PBRM1: variants seen among roughly 807,000 people sequenced by gnomAD.
PBRM1 encodes polybromo 1, also known as protein polybromo-1.
A neutral mutation model predicts 194.5 loss-of-function variants in PBRM1; 27 were observed. The observed-to-expected ratio is 0.14, with a 90% CI of 0.10 to 0.19. The LOEUF (loss-of-function observed/expected upper bound fraction) is 0.19. PBRM1 is among the 10% of genes least tolerant of loss of function. PBRM1 has a pLI of 1.00. For missense variants in PBRM1, 1,466 were observed against 2,077.2 expected (o/e 0.71, Z 5.72); for synonymous variants, 655 against 693.2 (o/e 0.94, Z 0.87).
chr3:52,546,628 CA>C (rs1174173946), downstream of PBRM1: 1 of 231,526 alleles, frequency 4.3e-6, no homozygotes, highest in Admixed American at 5.6e-5. Context: ...TTATAAACAG[CA>C]GTGGAAGCTC....
In PBRM1 at chr3:52,609,149, A is replaced by G. The variant is rs770310420; in HGVS notation, c.2567+164T>C. On this transcript the variant is annotated intron_variant, in intron 16 of 29. Coordinates refer to ENST00000296302, the Ensembl canonical transcript of PBRM1. The surrounding 1 kb of genome is among the most constrained non-coding windows in gnomAD (Gnocchi z 4.1). ...GTGTGCCTTCTCTCCCCCACAGAAT[A>G]TACTCACTCTTAAGAAGTTCTGGCT... is the stretch of plus-strand genomic sequence containing the variant. 1 of 610,388 alleles carries G rather than the reference A, an allele frequency of 1.6e-6. No homozygotes were observed. The highest frequency in any genetic ancestry group is 2.8e-6 in the Non-Finnish European group (1 of 351,212). 37.8% of individuals were successfully genotyped at this position (610,388 alleles called of 1,614,324 possible).
chr3:52,613,507 AATTTTTTAT>A (rs141149221), intron 15 of PBRM1, among the ~76,000 whole-genome samples: 11,052 of 151,826 alleles, frequency 0.073, 955 homozygotes, highest in African/African-American at 0.21. Flanking sequence ...ACGCCTGGCT[AATTTTTTAT>A]ATTTTTTTGT....
At chr3:52,647,739 T>C (rs1163104390) in intron 7 of PBRM1, among the ~76,000 whole-genome samples, 2 of 151,632 alleles carry the variant, frequency 1.3e-5, no homozygotes, top group Non-Finnish European at 2.9e-5. Flanking sequence ...AAAATCCATA[T>C]CACATATTAT....
At chr3:52,673,667 A>G (rs1424277741) in intron 2 of PBRM1, among the ~76,000 whole-genome samples, 78 of 113,166 alleles carry the variant, frequency 6.9e-4, no homozygotes, top group Middle Eastern at 4.9e-3. Flanking sequence ...GTGGGACTCC[A>G]TCTCAAAAAA....
At chr3:52,638,880 T>G (rs2095939195) in intron 10 of PBRM1, among the ~76,000 whole-genome samples, 1 of 151,792 alleles carries the variant, frequency 6.6e-6, no homozygotes, top group Admixed American at 6.6e-5. Flanking sequence ...ATTACAGGTG[T>G]GAGCCAGCCT....
chr3:52,581,469 C>T (rs1160779213), intron 20 of PBRM1, among the ~76,000 whole-genome samples: 1 of 149,516 alleles, frequency 6.7e-6, no homozygotes, highest in African/African-American at 2.5e-5. Context: ...GAGATTGTGC[C>T]GCTATACTCC....
chr3:52,612,258 CAAAAAAAAAAAAA>C (rs566481465), intron 15 of PBRM1, among the ~76,000 whole-genome samples: 6 of 24,012 alleles, frequency 2.5e-4, no homozygotes, highest in Non-Finnish European at 4.6e-4. Flanking sequence ...GATTCCGTCT[CAAAAAAAAAAAAA>C]AAAAAAAAAA....
At chr3:52,567,887 G>T (rs2085849509) in intron 22 of PBRM1, among the ~76,000 whole-genome samples, 1 of 146,962 alleles carries the variant, frequency 6.8e-6, no homozygotes, top group South Asian at 2.2e-4. Flanking sequence ...GACCTCAGAT[G>T]ATCCGCCTCC....
At chr3:52,583,925 G>C (rs148965470) in intron 20 of PBRM1, among the ~76,000 whole-genome samples, 1 of 152,100 alleles carries the variant, frequency 6.6e-6, no homozygotes, top group Non-Finnish European at 1.5e-5. Context: ...GATTACAGGC[G>C]TGTGACACTG....
chr3:52,545,458 G>A (rs142790728), downstream of PBRM1: 9 of 232,424 alleles, frequency 3.9e-5, no homozygotes, highest in Admixed American at 5.6e-5. Flanking sequence ...TAGTTACCAC[G>A]TAAACCTCAG....
exon 10 of PBRM1, chr3:52,642,024 T>A (rs2153707539): frequency 1.3e-6 from 2 of 1,556,420 alleles, no homozygotes; most frequent in Non-Finnish European, 1.8e-6. Context: ...ATAAACGACC[T>A]CCTTGTACTG....
At position 52,624,950 on chromosome 3, in the gene PBRM1, G is replaced by C; in HGVS notation, c.1541+2323C>G. ...CACTGTCATGAGTGTTCCTGGGAAAGCAGAAACAAACATTACATGTAAAGA... is the reference window on the plus strand; with the variant it reads ...CACTGTCATGAGTGTTCCTGGGAAACCAGAAACAAACATTACATGTAAAGA... On this transcript the variant is annotated intron_variant, in intron 13 of 29. Coordinates refer to ENST00000296302, the Ensembl canonical transcript of PBRM1. 6.5e-7 allele frequency: 1 copy of C among 1,543,650 alleles called. No homozygotes were observed. Among genetic ancestry groups the C allele is most frequent in the Non-Finnish European group, 8.8e-7 (1 of 1,140,710 alleles).
intron 17 of PBRM1, among the ~76,000 whole-genome samples, chr3:52,593,133 C>T (rs184496029): frequency 6.6e-6 from 1 of 152,196 alleles, no homozygotes; most frequent in Admixed American, 6.5e-5. Flanking sequence ...AATGGTTTTT[C>T]CTGTCTCAGT....
chr3:52,638,045 A>G (rs887031888), intron 10 of PBRM1, among the ~76,000 whole-genome samples: 3 of 152,154 alleles, frequency 2.0e-5, no homozygotes, highest in African/African-American at 7.2e-5. Context: ...GAACTGAAAC[A>G]ATTATCAAAT....
chr3:52,613,100 T>C (rs2094734698), intron 15 of PBRM1, among the ~76,000 whole-genome samples: 1 of 152,154 alleles, frequency 6.6e-6, no homozygotes, highest in Non-Finnish European at 1.5e-5. Flanking sequence ...TTGTTATTTA[T>C]GAAAATGTCT....
rs543394473 is a variant in PBRM1, at chr3:52,570,012, G to A, written c.3692-5779C>T. Among the ~76,000 whole-genome samples the A allele has an allele frequency of 9.2e-5, 14 of 151,872 alleles. No individual in the cohort carries two copies. In the South Asian group the frequency reaches 1.3e-3, roughly 14 times the overall value. The stretch of plus-strand genomic sequence containing the variant: ...GTTTGAGACGGAGTCTCACTCTGTC[G>A]CTAGGCTGCAGTGTAGTGACTCGAT... On this transcript the variant is annotated intron_variant, in intron 22 of 29. Transcript: ENST00000296302.
chr3:52,560,749 G>A, intron 25 of PBRM1: 1 of 152,100 alleles, frequency 6.6e-6, no homozygotes, highest in East Asian at 1.9e-4. Context: ...GCAGGATTAG[G>A]ATTCTTTGCA....
chr3:52,600,588 A>C (rs1304881553), intron 17 of PBRM1, among the ~76,000 whole-genome samples: 1 of 151,996 alleles, frequency 6.6e-6, no homozygotes, highest in Non-Finnish European at 1.5e-5. Flanking sequence ...TTTCTTTGTA[A>C]TGTTTCTAAG....
intron 17 of PBRM1, among the ~76,000 whole-genome samples, chr3:52,594,428 G>A (rs1047602019): frequency 5.3e-5 from 8 of 152,106 alleles, no homozygotes; most frequent in Admixed American, 4.6e-4. Context: ...TTGCTTGGTA[G>A]ATTTTTCTCC....
Sources: allele counts gnomAD v4.1 joint callset (sites outside exome capture counted in the v4.1 genomes callset), GRCh38; gene constraint gnomAD v4.1.1; non-coding constraint Gnocchi (gnomAD v3.1); transcripts MANE v1.5; gene names NCBI Gene and HGNC (gene_info 2026-07-23, HGNC 2026-07-21).